Variants in NXPE3 observed in about 807,000 individuals in gnomAD.
The protein encoded by NXPE3 is neurexophilin and PC-esterase domain family member 3, also known as NXPE family member 3.
A neutral mutation model predicts 46.1 loss-of-function variants in NXPE3; 26 were observed. The observed-to-expected ratio is 0.56, with a 90% CI of 0.41 to 0.78. The LOEUF is 0.78. Ranked by LOEUF, NXPE3 falls within the 30% of genes least tolerant of loss-of-function variation. The probability of loss-of-function intolerance (pLI) is 0.00; values close to 1 mark genes in which losing one functional copy is unlikely to be tolerated. For synonymous variants in NXPE3, 272 were observed against 257.9 expected, an observed-to-expected ratio of 1.05 and a Z score of -0.52; for missense variants, 620 against 686.0, an observed-to-expected ratio of 0.90 and a Z score of 1.07.
intron 4 of NXPE3, among the ~76,000 whole-genome samples, chr3:101,798,430 G>T (rs1476783180): frequency 6.6e-6 from 1 of 151,626 alleles, no homozygotes; most frequent in African/African-American, 2.4e-5. Flanking sequence ...TGTTGCCCAG[G>T]CTAGAGTGCG....
chr3:101,799,437 A>AT (rs1463976305), intron 4 of NXPE3, among the ~76,000 whole-genome samples: 1 of 152,002 alleles, frequency 6.6e-6, no homozygotes, highest in African/African-American at 2.4e-5. Flanking sequence ...ATTTGTTATT[A>AT]TTTTTTTGAG....
At chr3:101,791,680 C>T (rs1475830429) in intron 4 of NXPE3, among the ~76,000 whole-genome samples, 1 of 152,090 alleles carries the variant, frequency 6.6e-6, no homozygotes, top group Non-Finnish European at 1.5e-5. Flanking sequence ...CCGGCCTTAT[C>T]CAGTCTGTTT....
rs1273652154 is a variant in NXPE3, at chr3:101,827,333, G to T, written c.*5379G>T. 1 of 152,168 alleles carries T rather than the reference G, an allele frequency of 6.6e-6. No individual in the cohort carries two copies. The highest frequency in any genetic ancestry group is 1.5e-5 in the Non-Finnish European group (1 of 68,028). 9.4% of individuals were successfully genotyped at this position (152,168 alleles called of 1,614,324 possible). A position where few individuals can be genotyped will look rare whatever the true frequency, so the allele number is the denominator to read the frequency against. On this transcript the variant is annotated 3_prime_UTR_variant, in exon 8 of 8. Coordinates refer to ENST00000273347, the MANE Select transcript of NXPE3 (RefSeq NM_145037.4). ...AGTTTTGTGCAGTGGTTCATTTGCT[G>T]TTAAATCTACCCCATTACCATTCCC...
In NXPE3 at chr3:101,821,728, A is replaced by G. The variant is rs766462727; in HGVS notation, c.1454A>G (p.Asn485Ser). Residue 485 changes from asparagine (N) to serine (S), a missense_variant, in exon 8 of 8, where the codon AAC (asparagine) becomes AGC (serine). Coordinates refer to ENST00000273347, the MANE Select transcript of NXPE3 (RefSeq NM_145037.4). ...PKTVVVIRTA[N>S]AQELGPEVSL... Reference sequence around the variant, plus strand: ...ACCGTGGTGGTCATCCGGACGGCCAACGCCCAAGAGCTGGGACCTGAGGTG... The same window carrying G: ...ACCGTGGTGGTCATCCGGACGGCCAGCGCCCAAGAGCTGGGACCTGAGGTG... 79 of 1,614,078 alleles carry G rather than the reference A, an allele frequency of 4.9e-5. No individual in the cohort carries two copies. Among genetic ancestry groups the G allele is most frequent in the South Asian group, 8.8e-5 (8 of 91,090 alleles).
Position 101,826,311 on chromosome 3 carries a change from G to T in NXPE3, c.*4357G>T, listed in dbSNP as rs992389944. ...AAATAAACACCCAAGGGAAACAACAGAAATAAGCCTCCCCAACTTTCTAAA... is the reference window on the plus strand; with the variant it reads ...AAATAAACACCCAAGGGAAACAACATAAATAAGCCTCCCCAACTTTCTAAA... On this transcript the variant is annotated 3_prime_UTR_variant, in exon 8 of 8. Transcript: ENST00000273347. The T allele has an allele frequency of 6.6e-6, 1 of 152,114 alleles. No individual in the cohort carries two copies. Among genetic ancestry groups the T allele is most frequent in the Admixed American group, 6.5e-5 (1 of 15,274 alleles). The allele number at this position is 152,114 out of a possible 1,614,324, so 9.4% of individuals were successfully genotyped here.
In NXPE3 at chr3:101,826,397, T is replaced by C. The variant is rs1942487592; in HGVS notation, c.*4443T>C. The C allele has an allele frequency of 6.6e-6, 1 of 152,238 alleles. No homozygotes were observed. 9.4% of individuals were successfully genotyped at this position (152,238 alleles called of 1,614,324 possible). A position where few individuals can be genotyped will look rare whatever the true frequency, so the allele number is the denominator to read the frequency against. On this transcript the variant is annotated 3_prime_UTR_variant, in exon 8 of 8. Coordinates refer to ENST00000273347, the MANE Select transcript of NXPE3 (RefSeq NM_145037.4). ...AATTCAGCTTTTTAACATCAGCTAG[T>C]CACTAATGCCAGAAATTCCACTTCA... is the stretch of plus-strand genomic sequence containing the variant.
intron 7 of NXPE3, among the ~76,000 whole-genome samples, chr3:101,818,743 ATATATATATATTTTTTTTTTTTTTTTT>A: frequency 1.1e-4 from 3 of 27,364 alleles, no homozygotes; most frequent in Non-Finnish European, 2.0e-4. Context: ...ATATATATAT[ATATATATATATTTTTTTTTTTTTTTTT>A]TTTTTTTTTT....
chr3:101,819,378 G>A (rs1217143421), intron 7 of NXPE3, among the ~76,000 whole-genome samples: 2 of 152,118 alleles, frequency 1.3e-5, no homozygotes, highest in Non-Finnish European at 2.9e-5. Context: ...AATGTCTCCA[G>A]GCAACTGGAC....
intron 4 of NXPE3, 75 bp downstream of exon 4, chr3:101,785,764 C>T (rs1940137356): frequency 9.8e-6 from 12 of 1,219,472 alleles, no homozygotes; most frequent in Admixed American, 1.7e-5. Flanking sequence ...CCTGGGAAAA[C>T]GTTGGTTATC....
At chr3:101,793,455 A>G (rs935335784) in intron 4 of NXPE3, among the ~76,000 whole-genome samples, 1 of 151,948 alleles carries the variant, frequency 6.6e-6, no homozygotes, top group Non-Finnish European at 1.5e-5. Context: ...ATCTAATCTG[A>G]CAATCTCTGC....
intron 4 of NXPE3, among the ~76,000 whole-genome samples, chr3:101,797,201 C>T (rs1940879607): frequency 6.6e-6 from 1 of 152,026 alleles, no homozygotes; most frequent in South Asian, 2.1e-4. Flanking sequence ...AATGTAGTTG[C>T]TTATTTTTAA....
intron 4 of NXPE3, among the ~76,000 whole-genome samples, chr3:101,799,994 T>A (rs2107291621): frequency 6.6e-6 from 1 of 152,310 alleles, no homozygotes; most frequent in East Asian, 1.9e-4. Context: ...ATTTTATCAA[T>A]CTTTTAAAAA....
intron 6 of NXPE3, among the ~76,000 whole-genome samples, chr3:101,812,299 T>G (rs1941747143): frequency 6.6e-6 from 1 of 152,150 alleles, no homozygotes; most frequent in African/African-American, 2.4e-5. Context: ...AAAGAATAAT[T>G]TGATACAGAA....
chr3:101,802,548 A>G (rs971158702), intron 5 of NXPE3, among the ~76,000 whole-genome samples: 1 of 151,988 alleles, frequency 6.6e-6, no homozygotes, highest in Non-Finnish European at 1.5e-5. Context: ...GAAACTTTAA[A>G]AAGTAACATA....
chr3:101,807,077 C>T lies in NXPE3; in HGVS notation c.873C>T (p.Val291=), dbSNP rs747006067. 6 of 1,613,218 alleles carry T rather than the reference C, an allele frequency of 3.7e-6. No homozygotes were observed. Among genetic ancestry groups the T allele is most frequent in the Middle Eastern group, 1.7e-4 (1 of 6,056 alleles). Residue 291 remains valine, a synonymous_variant, in exon 6 of 8, where the codon GTC becomes GTT. Transcript: ENST00000273347. ...FQSGVNIKMP[V]NSSGPDWVTV... ...GTGGTGTCAATATCAAAATGCCAGT[C>T]AACTCCAGTGGACCTGATTGGGTAA...
chr3:101,810,333 A>G (rs945705920), intron 6 of NXPE3, among the ~76,000 whole-genome samples: 1 of 152,190 alleles, frequency 6.6e-6, no homozygotes, highest in Non-Finnish European at 1.5e-5. Context: ...ATAAGACTTG[A>G]TCTAATAGCA....
Position 101,826,327 on chromosome 3 carries a change from A to G in NXPE3, c.*4373A>G, listed in dbSNP as rs916914761. The G allele has an allele frequency of 2.0e-5, 3 of 152,148 alleles. No homozygotes were observed. Among genetic ancestry groups the G allele is most frequent in the East Asian group, 3.8e-4 (2 of 5,200 alleles). The allele number at this position is 152,148 out of a possible 1,614,324, so 9.4% of individuals were successfully genotyped here. A position where few individuals can be genotyped will look rare whatever the true frequency, so the allele number is the denominator to read the frequency against. ...GAAACAACAGAAATAAGCCTCCCCA[A>G]CTTTCTAAAAAACTGCTCAGCATTA... On this transcript the variant is annotated 3_prime_UTR_variant, in exon 8 of 8. Transcript: ENST00000273347.
At chr3:101,802,025 G>A (rs1560051447) in intron 5 of NXPE3, 36 bp downstream of exon 5, 3 of 1,548,740 alleles carry the variant, frequency 1.9e-6, no homozygotes, top group Non-Finnish European at 2.6e-6. Flanking sequence ...GATTTGAAGA[G>A]TTCTTTTCCA....
At chr3:101,818,473 A>G (rs968417610) in intron 7 of NXPE3, among the ~76,000 whole-genome samples, 4 of 151,848 alleles carry the variant, frequency 2.6e-5, no homozygotes, top group Non-Finnish European at 5.9e-5. Context: ...GATGACAAGG[A>G]TCACACTGAC....
Sources: allele counts gnomAD v4.1 joint callset (sites outside exome capture counted in the v4.1 genomes callset), GRCh38; gene constraint gnomAD v4.1.1; transcripts MANE v1.5; gene names NCBI Gene and HGNC (gene_info 2026-07-23, HGNC 2026-07-21).